The following CTNNA3 variants were observed in gnomAD, a reference collection of about 807,000 sequenced individuals.
The protein encoded by CTNNA3 is catenin alpha 3.
CTNNA3 carries 76 observed loss-of-function variants against 95.7 expected under a neutral mutation model. The ratio of observed to expected loss-of-function variants is 0.79; its 90% CI spans 0.66 to 0.96. The LOEUF (loss-of-function observed/expected upper bound fraction) is 0.96. Ranked by LOEUF, CTNNA3 falls within the 40% of genes least tolerant of loss-of-function variation. The pLI is 0.00. For missense variants in CTNNA3, 1,191 were observed against 1,089.8 expected, an observed-to-expected ratio of 1.09 and a Z score of -1.31; for synonymous variants, 431 against 374.4, an observed-to-expected ratio of 1.15 and a Z score of -1.74.
chr10:67,549,895 A>T (rs1840964274), intron 3 of CTNNA3, among the ~76,000 whole-genome samples: 2 of 152,230 alleles, frequency 1.3e-5, no homozygotes, highest in Admixed American at 6.5e-5. Flanking sequence ...TGTACGGCCC[A>T]CAAAGCCTGA....
intron 9 of CTNNA3, among the ~76,000 whole-genome samples, chr10:66,748,073 C>T (rs999564372): frequency 4.6e-5 from 7 of 152,110 alleles, no homozygotes; most frequent in East Asian, 1.9e-4. Flanking sequence ...TACCACAGAG[C>T]TCATCGACTC....
rs1173727647 is a variant in CTNNA3, at chr10:67,444,675, G to C, written c.579+77167C>G. ...CCAGAATAACTAAGAAAAAAGGAGAGAAAATCCAAATAAATAAAATCAGAG... is the reference window on the plus strand; with the variant it reads ...CCAGAATAACTAAGAAAAAAGGAGACAAAATCCAAATAAATAAAATCAGAG... On this transcript the variant is annotated intron_variant, in intron 5 of 17. Transcript: ENST00000433211. 2.1e-5 allele frequency among the ~76,000 whole-genome samples: 3 copies of C among 140,074 alleles called. No homozygotes were observed. In the East Asian group the frequency reaches 6.2e-4, roughly 29 times the overall value. The allele number at this position is 140,074 out of a possible 152,430, so 91.9% of individuals were successfully genotyped here.
intron 9 of CTNNA3, among the ~76,000 whole-genome samples, chr10:66,755,969 A>T (rs1839348129): frequency 6.6e-6 from 1 of 152,304 alleles, no homozygotes; most frequent in South Asian, 2.1e-4. Context: ...CTAGGATTCA[A>T]AGAGGTAGAG....
intron 16 of CTNNA3, among the ~76,000 whole-genome samples, chr10:65,986,542 A>T (rs370794789): frequency 6.6e-6 from 1 of 151,718 alleles, no homozygotes; most frequent in East Asian, 1.9e-4. Flanking sequence ...TAAACTATAA[A>T]ATATTGATAA....
At chr10:67,461,043 C>T (rs914291672) in intron 5 of CTNNA3, among the ~76,000 whole-genome samples, 2 of 152,216 alleles carry the variant, frequency 1.3e-5, no homozygotes, top group African/African-American at 4.8e-5. Context: ...ATTTACACTA[C>T]TTGGATACTA....
intron 7 of CTNNA3, among the ~76,000 whole-genome samples, chr10:66,863,756 G>T (rs151032503): frequency 1.3e-5 from 2 of 152,226 alleles, no homozygotes; most frequent in Non-Finnish European, 2.9e-5. Context: ...GTCAGAAGTT[G>T]AGAGTGAAAT....
chr10:66,177,885 T>C (rs1299617318), intron 13 of CTNNA3, among the ~76,000 whole-genome samples: 1 of 152,010 alleles, frequency 6.6e-6, no homozygotes, highest in Non-Finnish European at 1.5e-5. Flanking sequence ...TTTTTTAAAC[T>C]ATATTCAATT....
At position 67,564,663 on chromosome 10, in the gene CTNNA3, A is replaced by ATGTGTGTG. The variant is rs1201263970; in HGVS notation, c.293-25002_293-24995dup. Among the ~76,000 whole-genome samples, 38 of 95,498 alleles carry ATGTGTGTG rather than the reference A, an allele frequency of 4.0e-4. 2 individuals are homozygous for ATGTGTGTG. The highest frequency in any genetic ancestry group is 1.8e-3 in the African/African-American group (36 of 19,860). 62.7% of individuals were successfully genotyped at this position (95,498 alleles called of 152,430 possible). On this transcript the variant is annotated intron_variant, in intron 3 of 17. Coordinates refer to ENST00000433211, the MANE Select transcript of CTNNA3 (RefSeq NM_013266.4). The stretch of plus-strand genomic sequence containing the variant: ...ATAACAACTGTATATATATGCATAT[A>ATGTGTGTG]TGTGTGTGTGTGTGTATATATATAT...
chr10:67,718,911 C>T (rs1420365272), intron 1 of CTNNA3, among the ~76,000 whole-genome samples: 1 of 152,108 alleles, frequency 6.6e-6, no homozygotes, highest in African/African-American at 2.4e-5. Context: ...TGGTAGAATT[C>T]GGCTGTGAAG....
At chr10:66,450,511 G>T (rs1429821649) in intron 11 of CTNNA3, among the ~76,000 whole-genome samples, 1 of 151,998 alleles carries the variant, frequency 6.6e-6, no homozygotes, top group Admixed American at 6.6e-5. Flanking sequence ...AAATAACGTT[G>T]TATTCATTTC....
intron 5 of CTNNA3, among the ~76,000 whole-genome samples, chr10:67,377,326 G>C (rs1843731439): frequency 6.6e-6 from 1 of 152,188 alleles, no homozygotes; most frequent in Admixed American, 6.5e-5. Flanking sequence ...GAAAGAATGA[G>C]AAGTCACCAA....
chr10:67,009,688 T>C (rs1007614785), intron 7 of CTNNA3, among the ~76,000 whole-genome samples: 32 of 152,282 alleles, frequency 2.1e-4, no homozygotes, highest in African/African-American at 7.7e-4. Flanking sequence ...TCCTTTCTAT[T>C]TGATGGTTGT....
At chr10:67,388,266 G>A (rs1589241761) in intron 5 of CTNNA3, among the ~76,000 whole-genome samples, 1 of 130,540 alleles carries the variant, frequency 7.7e-6, no homozygotes. Context: ...GAAGAATGCA[G>A]AAGCCTCAGG....
At chr10:66,061,792 T>C (rs997883995) in intron 15 of CTNNA3, among the ~76,000 whole-genome samples, 2 of 152,094 alleles carry the variant, frequency 1.3e-5, no homozygotes, top group Admixed American at 6.6e-5. Flanking sequence ...CGAATACAAA[T>C]TTCATTTGTT....
chr10:67,699,973 C>A (rs1841022653), upstream of CTNNA3, among the ~76,000 whole-genome samples: 2 of 152,248 alleles, frequency 1.3e-5, no homozygotes, highest in Admixed American at 6.5e-5. Context: ...GAGATTATAT[C>A]CCGCACATGC....
intron 5 of CTNNA3, among the ~76,000 whole-genome samples, chr10:67,397,736 G>C (rs913528658): frequency 6.6e-6 from 1 of 152,192 alleles, no homozygotes; most frequent in Non-Finnish European, 1.5e-5. Flanking sequence ...GATTTCATGG[G>C]CAGAGCCCAG....
At chr10:67,526,857 T>A (rs1339879670) in intron 4 of CTNNA3, among the ~76,000 whole-genome samples, 1 of 152,228 alleles carries the variant, frequency 6.6e-6, no homozygotes, top group Non-Finnish European at 1.5e-5. Flanking sequence ...CATTCAATAA[T>A]TGTTTATAGA....
At chr10:66,772,080 G>A (rs568904290) in intron 8 of CTNNA3, among the ~76,000 whole-genome samples, 24 of 152,148 alleles carry the variant, frequency 1.6e-4, no homozygotes, top group South Asian at 8.3e-4. Context: ...GTATTTGAGC[G>A]GGAGGTGATG....
rs766459825 is a variant in CTNNA3 at position 65,914,772 on chromosome 10, A to G, written c.*5558T>C. The G allele has an allele frequency of 1.3e-5, 2 of 152,166 alleles. No individual in the cohort carries two copies. Among genetic ancestry groups the G allele is most frequent in the Non-Finnish European group, 2.9e-5 (2 of 68,028 alleles). The allele number at this position is 152,166 out of a possible 1,614,324, so 9.4% of individuals were successfully genotyped here. On this transcript the variant is annotated 3_prime_UTR_variant, in exon 18 of 18. Transcript: ENST00000433211. ...CATGGTAATAAAAGTAATTTGGCAA[A>G]GGTTGTCCTCTTATTTCAGATCACG...
Sources: gnomAD v4.1 joint callset for allele counts (sites outside exome capture counted in the v4.1 genomes callset) on GRCh38, gnomAD v4.1.1 for gene constraint, MANE v1.5 for transcripts, NCBI Gene and HGNC (gene_info 2026-07-23, HGNC 2026-07-21) for gene names.